The following TRPM3 variants were observed in gnomAD, a reference collection of about 807,000 sequenced individuals.
TRPM3 encodes transient receptor potential cation channel subfamily M member 3.
In TRPM3, 77 loss-of-function variants were observed where a neutral mutation model predicts 181.2. That is an observed-to-expected ratio of 0.42 (90% CI 0.35 to 0.51). The LOEUF is 0.51. Ranked by LOEUF, TRPM3 falls within the 20% of genes least tolerant of loss-of-function variation. TRPM3 has a pLI of 0.01. For missense variants in TRPM3, 1,759 were observed against 2,196.7 expected (o/e 0.80, Z 3.98); for synonymous variants, 745 against 796.4 (o/e 0.94, Z 1.09).
chr9:71,057,046 G>A (rs1425493666), intron 1 of TRPM3, among the ~76,000 whole-genome samples: 1 of 152,036 alleles, frequency 6.6e-6, no homozygotes, highest in African/African-American at 2.4e-5. Flanking sequence ...AGGGAAAGAG[G>A]ATAAAAGATT....
At chr9:71,117,486 A>C (rs1276887600) in intron 1 of TRPM3, among the ~76,000 whole-genome samples, 1 of 152,078 alleles carries the variant, frequency 6.6e-6, no homozygotes, top group Non-Finnish European at 1.5e-5. Context: ...TTCAGTCCAA[A>C]TAGACAACGT....
chr9:71,147,275 A>G (rs2075463125), intron 1 of TRPM3, among the ~76,000 whole-genome samples: 1 of 152,112 alleles, frequency 6.6e-6, no homozygotes, highest in Non-Finnish European at 1.5e-5. Context: ...TTGAACAAAC[A>G]TTTGCTAAAA....
At chr9:71,066,281 A>G (rs975517284) in intron 1 of TRPM3, among the ~76,000 whole-genome samples, 1 of 152,202 alleles carries the variant, frequency 6.6e-6, no homozygotes, top group East Asian at 1.9e-4. Flanking sequence ...TATTATTCAA[A>G]TATCGGCAAA....
At chr9:70,789,738 T>A (rs970952685) in intron 6 of TRPM3, among the ~76,000 whole-genome samples, 11 of 152,324 alleles carry the variant, frequency 7.2e-5, no homozygotes, top group Non-Finnish European at 1.5e-4. Flanking sequence ...TGAGCTTGAG[T>A]AACAGATTTA....
At chr9:71,118,635 G>A (rs2072948736) in intron 1 of TRPM3, among the ~76,000 whole-genome samples, 1 of 152,204 alleles carries the variant, frequency 6.6e-6, no homozygotes, top group Admixed American at 6.5e-5. Flanking sequence ...TAGGGGCACT[G>A]AGAGAGGGCA....
At chr9:71,441,426 C>G (rs1589042074) in intron 1 of TRPM3, among the ~76,000 whole-genome samples, 1 of 151,848 alleles carries the variant, frequency 6.6e-6, no homozygotes, top group South Asian at 2.1e-4. Context: ...TCAGGAGAGC[C>G]CTTTGTGTAA....
chr9:70,685,289 A>C (rs1312757137), intron 8 of TRPM3, among the ~76,000 whole-genome samples: 1 of 152,176 alleles, frequency 6.6e-6, no homozygotes, highest in Non-Finnish European at 1.5e-5. Context: ...TTACTGTTTT[A>C]AAATCTCTTT....
chr9:71,044,797 A>C (rs993944226), intron 1 of TRPM3, among the ~76,000 whole-genome samples: 4 of 150,876 alleles, frequency 2.7e-5, no homozygotes, highest in Non-Finnish European at 5.9e-5. Context: ...TCAGCCTCCC[A>C]AGTAGCTGGG....
intron 19 of TRPM3, among the ~76,000 whole-genome samples, chr9:70,605,914 C>G (rs568151478): frequency 6.6e-6 from 1 of 152,206 alleles, no homozygotes; most frequent in African/African-American, 2.4e-5. Flanking sequence ...CATGCACATT[C>G]TTCCAGAACC....
At chr9:71,150,622 A>G (rs1055045338) in intron 1 of TRPM3, among the ~76,000 whole-genome samples, 3 of 152,204 alleles carry the variant, frequency 2.0e-5, no homozygotes, top group African/African-American at 4.8e-5. Context: ...TGAAGTCAGT[A>G]TAATATGGAT....
intron 1 of TRPM3, among the ~76,000 whole-genome samples, chr9:71,034,815 T>C (rs1028056377): frequency 6.6e-6 from 1 of 152,064 alleles, no homozygotes; most frequent in South Asian, 2.1e-4. Context: ...TGAATGCTTA[T>C]CAACACATCA....
At chr9:71,390,886 A>C (rs2132946049) in intron 1 of TRPM3, among the ~76,000 whole-genome samples, 1 of 152,080 alleles carries the variant, frequency 6.6e-6, no homozygotes, top group African/African-American at 2.4e-5. Context: ...GGTATGGAGA[A>C]ATGGGCCCTA....
At chr9:70,753,997 G>T (rs2076630136) in intron 8 of TRPM3, among the ~76,000 whole-genome samples, 1 of 152,132 alleles carries the variant, frequency 6.6e-6, no homozygotes, top group Admixed American at 6.6e-5. Context: ...CAACCATGGG[G>T]CTTACAATGC....
chr9:71,140,279 G>A (rs2075017174), intron 1 of TRPM3, among the ~76,000 whole-genome samples: 1 of 152,046 alleles, frequency 6.6e-6, no homozygotes, highest in African/African-American at 2.4e-5. Context: ...GAGACTGAAA[G>A]ACAAAAAAAG....
At chr9:70,764,598 C>A (rs751001442) in intron 7 of TRPM3, among the ~76,000 whole-genome samples, 2 of 152,082 alleles carry the variant, frequency 1.3e-5, no homozygotes, top group Non-Finnish European at 2.9e-5. Context: ...CCTTTGAGCC[C>A]AATTTCCCAG....
intron 1 of TRPM3, among the ~76,000 whole-genome samples, chr9:71,423,527 C>T (rs2093813425): frequency 6.6e-6 from 1 of 152,054 alleles, no homozygotes; most frequent in South Asian, 2.1e-4. Flanking sequence ...AGCCTGGCAC[C>T]ATGAAAGCAG....
At chr9:71,011,365 A>G (rs2097737082) in intron 1 of TRPM3, among the ~76,000 whole-genome samples, 1 of 152,228 alleles carries the variant, frequency 6.6e-6, no homozygotes, top group South Asian at 2.1e-4. Flanking sequence ...TGATTTAAAC[A>G]TTACATTATA....
chr9:71,427,992 C>T (rs1405282290), intron 1 of TRPM3, among the ~76,000 whole-genome samples: 2 of 152,150 alleles, frequency 1.3e-5, no homozygotes, highest in Non-Finnish European at 2.9e-5. Context: ...CACCTGAGGA[C>T]CTTTTCAAGC....
chr9:70,873,708 C>T (rs775248470), intron 1 of TRPM3, among the ~76,000 whole-genome samples: 5 of 151,960 alleles, frequency 3.3e-5, no homozygotes, highest in Non-Finnish European at 7.4e-5. Flanking sequence ...ACCATTGTTC[C>T]TCTTCCCTAT....
Sources: allele counts gnomAD v4.1 joint callset (sites outside exome capture counted in the v4.1 genomes callset), GRCh38; gene constraint gnomAD v4.1.1; transcripts MANE v1.5; gene names NCBI Gene and HGNC (gene_info 2026-07-23, HGNC 2026-07-21).